The following PCDHGA3 variants were observed in gnomAD, a reference collection of about 807,000 sequenced individuals.
PCDHGA3 encodes the protein protocadherin gamma subfamily A, 3.
Under a neutral mutation model 58.5 loss-of-function variants are expected in PCDHGA3, and 40 were observed. The observed-to-expected ratio is 0.68, with a 90% confidence interval of 0.53 to 0.89. The LOEUF (loss-of-function observed/expected upper bound fraction) is 0.89. Among genes scored for constraint, PCDHGA3 ranks in the 40% least tolerant of loss-of-function variants. The pLI, the probability that PCDHGA3 is intolerant of heterozygous loss-of-function variation, is 0.00. For synonymous variants in PCDHGA3, 530 were observed against 525.7 expected (o/e 1.01, Z -0.11); for missense variants, 1,223 against 1,195.9 (o/e 1.02, Z -0.33).
chr5:141,447,388 T>C (rs1302757515), intron 1 of PCDHGA3, among the ~76,000 whole-genome samples: 3 of 152,166 alleles, frequency 2.0e-5, no homozygotes, highest in African/African-American at 7.2e-5. Flanking sequence ...TCTGCCCACC[T>C]CGGCCTCCCA....
In PCDHGA3 at chr5:141,476,445, T is replaced by G. The variant is rs2099391853; in HGVS notation, c.2425-18362T>G. 1 of 1,613,956 alleles carries G rather than the reference T, an allele frequency of 6.2e-7. No individual in the cohort carries two copies. The highest frequency in any genetic ancestry group is 1.7e-5 in the Admixed American group (1 of 60,008). The stretch of plus-strand genomic sequence containing the variant: ...CCCTCTTGCACTGTAACTCTGGAGT[T>G]GGTAGTGGAGAACCCGCTGGAGCTG... On this transcript the variant is annotated intron_variant, in intron 1 of 3. Coordinates refer to ENST00000253812, the MANE Select transcript of PCDHGA3 (RefSeq NM_018916.4). This position sits in a 1 kb window ranked among gnomAD's most constrained non-coding sequence, Gnocchi z 7.6.
At chr5:141,492,553 G>A (rs1184580300) in intron 1 of PCDHGA3, among the ~76,000 whole-genome samples, 1 of 152,148 alleles carries the variant, frequency 6.6e-6, no homozygotes, top group Non-Finnish European at 1.5e-5. Flanking sequence ...CGGGTCGCCT[G>A]GGGGGCGGCC....
chr5:141,421,309 C>T (rs781110850), intron 1 of PCDHGA3: 9 of 1,613,516 alleles, frequency 5.6e-6, no homozygotes, highest in Admixed American at 1.7e-5. Context: ...GCGGGGGTTC[C>T]GGGCCAGGCA....
chr5:141,509,068 G>T (rs1267011061), intron 3 of PCDHGA3, among the ~76,000 whole-genome samples: 1 of 152,144 alleles, frequency 6.6e-6, no homozygotes, highest in Non-Finnish European at 1.5e-5. Context: ...TCTCAGCTCC[G>T]GGGATTTGCG....
chr5:141,438,308 C>G (rs2097949954), intron 1 of PCDHGA3, among the ~76,000 whole-genome samples: 1 of 151,766 alleles, frequency 6.6e-6, no homozygotes, highest in Non-Finnish European at 1.5e-5. Context: ...GAAGTTGGTA[C>G]CACCATAATT....
At chr5:141,409,398 A>C in intron 1 of PCDHGA3, 1 of 1,614,050 alleles carries the variant, frequency 6.2e-7, no homozygotes, top group Non-Finnish European at 8.5e-7. Flanking sequence ...TCTTCTTCCA[A>C]TAACTACTAC....
At chr5:141,397,254 A>G (rs961705126) in intron 1 of PCDHGA3, among the ~76,000 whole-genome samples, 12 of 152,184 alleles carry the variant, frequency 7.9e-5, no homozygotes, top group Non-Finnish European at 1.3e-4. Flanking sequence ...AGGGTATATC[A>G]TTTCTTAGCT....
intron 1 of PCDHGA3, chr5:141,414,308 T>C: frequency 6.2e-7 from 1 of 1,613,764 alleles, no homozygotes; most frequent in Non-Finnish European, 8.5e-7. Context: ...GTGCATGATT[T>C]AGACTCTGAG....
At chr5:141,403,590 C>A (rs770895828) in intron 1 of PCDHGA3, 7 of 1,613,866 alleles carry the variant, frequency 4.3e-6, no homozygotes, top group Non-Finnish European at 5.1e-6. Context: ...CTGGTCCTCA[C>A]GGCCTCGGAT....
intron 1 of PCDHGA3, among the ~76,000 whole-genome samples, chr5:141,439,139 G>T (rs2098090438): frequency 6.6e-6 from 1 of 150,672 alleles, no homozygotes; most frequent in South Asian, 2.1e-4. Flanking sequence ...GTTGCAGTGA[G>T]CTGAGATCAC....
At position 141,345,577 on chromosome 5, in the gene PCDHGA3, A is replaced by T. The variant is rs754155522; in HGVS notation, c.1544A>T (p.Tyr515Phe). The T allele has an allele frequency of 6.2e-7, 1 of 1,614,160 alleles. No individual in the cohort carries two copies. The highest frequency in any genetic ancestry group is 1.7e-5 in the Admixed American group (1 of 60,028). ...VSINSNTGVL[Y>F]ALRSFDYEQF... ...ATCAACTCCAACACTGGCGTCCTAT[A>T]CGCGCTGAGATCCTTCGACTACGAG... is the stretch of plus-strand genomic sequence containing the variant. Residue 515 changes from tyrosine to phenylalanine, a missense_variant, in exon 1 of 4, where the codon TAC (tyrosine) becomes TTC (phenylalanine). Physicochemically the swap from Tyr to Phe is conservative, Grantham distance 22. Around this residue, in one of 3 missense-constraint regions of PCDHGA3, gnomAD observed 791 missense variants for 708.5 expected, o/e 1.12. Transcript: ENST00000253812.
In PCDHGA3 at chr5:141,409,580, C is replaced by T. The variant is rs969743613; in HGVS notation, c.2424+63123C>T. The T allele has an allele frequency of 3.7e-6, 6 of 1,613,922 alleles. No homozygotes were observed. The Admixed American group carries it at 8.3e-5, about 22-fold the overall frequency. The stretch of plus-strand genomic sequence containing the variant: ...TTTCGACCAGACGTCCTACGTGGTC[C>T]ACGTGGCCGAGAACAACCCGCCAGG... On this transcript the variant is annotated intron_variant, in intron 1 of 3. Transcript: ENST00000253812.
Position 141,350,877 on chromosome 5 carries a change from G to A in PCDHGA3, c.2424+4420G>A, listed in dbSNP as rs749871543. The A allele has an allele frequency of 6.8e-6, 11 of 1,613,904 alleles. No individual in the cohort carries two copies. In the African/African-American group the frequency reaches 9.3e-5, roughly 14 times the overall value. ...GACAGGGAACATCAGAGCTCTCATC[G>A]CTTAATCCTGACTGCCATGGATGGC... On this transcript the variant is annotated intron_variant, in intron 1 of 3. Coordinates refer to ENST00000253812, the MANE Select transcript of PCDHGA3 (RefSeq NM_018916.4).
intron 1 of PCDHGA3, among the ~76,000 whole-genome samples, chr5:141,358,064 C>T (rs1760807784): frequency 6.6e-6 from 1 of 152,118 alleles, no homozygotes; most frequent in African/African-American, 2.4e-5. Flanking sequence ...GTGGTGTGTG[C>T]CCGTAGTCCC....
chr5:141,361,201 C>T, intron 1 of PCDHGA3: 1 of 1,613,980 alleles, frequency 6.2e-7, no homozygotes, highest in Non-Finnish European at 8.5e-7. Flanking sequence ...ATCTACTCCC[C>T]TACCGGAGGA....
At chr5:141,399,010 G>C in intron 1 of PCDHGA3, 1 of 1,613,844 alleles carries the variant, frequency 6.2e-7, no homozygotes, top group Non-Finnish European at 8.5e-7. Flanking sequence ...TTCAAAGAGC[G>C]GAGAAATTAC....
chr5:141,510,880 G>T (rs373993657), intron 3 of PCDHGA3, 67 bp from the exon 4 acceptor site: 1 of 1,611,902 alleles, frequency 6.2e-7, no homozygotes. Context: ...AACTGCTGGG[G>T]ATATAAGACA....
intron 1 of PCDHGA3, chr5:141,413,324 G>A: frequency 6.2e-7 from 1 of 1,613,968 alleles, no homozygotes; most frequent in South Asian, 1.1e-5. Context: ...TCTTTCGTGG[G>A]CAACATCTCC....
intron 1 of PCDHGA3, among the ~76,000 whole-genome samples, chr5:141,468,046 C>T (rs540273405): frequency 1.3e-4 from 20 of 152,174 alleles, no homozygotes; most frequent in Non-Finnish European, 2.8e-4. Flanking sequence ...AAAACTAAGC[C>T]GGGCACAGTG....
Sources: allele counts gnomAD v4.1 joint callset (sites outside exome capture counted in the v4.1 genomes callset), GRCh38; gene constraint gnomAD v4.1.1; regional missense constraint gnomAD v4.1.1; non-coding constraint Gnocchi (gnomAD v3.1); transcripts MANE v1.5; gene names NCBI Gene and HGNC (gene_info 2026-07-23, HGNC 2026-07-21).